HUWE1: variants seen among roughly 807,000 people sequenced by gnomAD.
HUWE1 encodes the protein E3 ubiquitin-protein ligase HUWE1.
In HUWE1, 18 loss-of-function variants were observed where a neutral mutation model predicts 299.4. That is an observed-to-expected ratio of 0.06 (90% CI 0.04 to 0.09). The LOEUF (loss-of-function observed/expected upper bound fraction) is 0.09. HUWE1 is among the 10% of genes least tolerant of loss of function. The pLI is 1.00. For synonymous variants in HUWE1, 1,317 were observed against 1,286.1 expected (o/e 1.02, Z -0.51); for missense variants, 1,832 against 3,462.3 (o/e 0.53, Z 11.82).
intron 23 of HUWE1, among the ~76,000 whole-genome samples, chrX:53,611,134 T>C (rs1326130104): frequency 9.8e-6 from 1 of 102,105 alleles, no homozygotes; most frequent in Non-Finnish European, 2.0e-5. Context: ...CACAAAACCA[T>C]GTATTTCAAG....
chrX:53,599,991 C>T, intron 29 of HUWE1, 127 bp downstream of exon 29: 1 of 595,083 alleles, frequency 1.7e-6, no homozygotes, highest in East Asian at 3.4e-5. Context: ...CAACAAAGGA[C>T]ACTTAAAAAT....
intron 3 of HUWE1, among the ~76,000 whole-genome samples, chrX:53,667,442 C>A (rs2069302825): frequency 8.9e-6 from 1 of 112,026 alleles, no homozygotes; most frequent in South Asian, 3.7e-4. Flanking sequence ...CTTAAACATG[C>A]TTGCAATATT....
In HUWE1 at chrX:53,585,007, T is replaced by A. The variant is rs1556971930; in HGVS notation, c.5001+5A>T. The stretch of plus-strand genomic sequence containing the variant: ...GTTAGACAAGCTTGGTGAGTGAGCA[T>A]GTACCTGCACCATTGTAGTGAATTG... On this transcript the variant is annotated splice_donor_5th_base_variant and intron_variant, in intron 40 of 83. Coordinates refer to ENST00000262854, the MANE Select transcript of HUWE1 (RefSeq NM_031407.7). 3.3e-6 allele frequency: 4 copies of A among 1,211,851 alleles called. No individual in the cohort carries two copies. The highest frequency in any genetic ancestry group is 4.5e-6 in the Non-Finnish European group (4 of 895,412).
intron 52 of HUWE1, 45 bp downstream of exon 52, chrX:53,563,701 G>C (rs1556943205): frequency 1.7e-6 from 2 of 1,186,220 alleles, no homozygotes; most frequent in Non-Finnish European, 2.3e-6. Context: ...TCCCAAGAGA[G>C]ACTGAGGCAA....
intron 60 of HUWE1, among the ~76,000 whole-genome samples, chrX:53,555,321 T>C (rs2061951858): frequency 8.9e-6 from 1 of 111,848 alleles, no homozygotes; most frequent in Admixed American, 9.5e-5. Context: ...CAGAATTTCG[T>C]TCAAAACTCT....
chrX:53,602,688 A>AATATAT, intron 27 of HUWE1, 30 bp from the exon 28 acceptor site: 1 of 674,858 alleles, frequency 1.5e-6, no homozygotes. Context: ...GAGCAAAAGA[A>AATATAT]ATATATATAT....
intron 17 of HUWE1, chrX:53,625,891 TGCCGGG>T (rs782400383): frequency 1.2e-5 from 4 of 323,244 alleles, no homozygotes; most frequent in Admixed American, 3.1e-5. Context: ...CCAGGGCCGG[TGCCGGG>T]GCCGGGACTG....
chrX:53,544,094 G>A, intron 72 of HUWE1, 126 bp from the exon 73 acceptor site: 5 of 601,713 alleles, frequency 8.3e-6, no homozygotes, highest in African/African-American at 2.2e-5. Flanking sequence ...TTTAGCTCAG[G>A]AAGCTTCAGA....
At chrX:53,628,000 CAT>C (rs1420065763) in intron 15 of HUWE1, 121 bp from the exon 16 acceptor site, 9 of 622,715 alleles carry the variant, frequency 1.4e-5, no homozygotes, top group Admixed American at 5.7e-5. Context: ...TGGGGGAAAA[CAT>C]GTGTTTTATT....
intron 23 of HUWE1, among the ~76,000 whole-genome samples, chrX:53,613,737 T>C (rs1162477331): frequency 9.0e-6 from 1 of 111,180 alleles, no homozygotes; most frequent in Non-Finnish European, 1.9e-5. Flanking sequence ...GAACAGATAG[T>C]AACAAAATGA....
rs782289475 is a variant in HUWE1, at chrX:53,535,146, G to A, written c.12649+238C>T. Reference sequence around the variant, plus strand: ...GACGGGGTTTCACCATGTTGGCCAGGCTGGTCTCAAACTCCTCACCTCAAC... The same window carrying A: ...GACGGGGTTTCACCATGTTGGCCAGACTGGTCTCAAACTCCTCACCTCAAC... On this transcript the variant is annotated intron_variant, in intron 81 of 83. Coordinates refer to ENST00000262854, the MANE Select transcript of HUWE1 (RefSeq NM_031407.7). Among the ~76,000 whole-genome samples the A allele has an allele frequency of 9.0e-4, 100 of 111,091 alleles. 1 individual carries two copies. Among genetic ancestry groups the A allele is most frequent in the Non-Finnish European group, 1.2e-3 (65 of 52,934 alleles).
chrX:53,585,236 T>C, intron 39 of HUWE1, 48 bp from the exon 40 acceptor site: 2 of 1,135,374 alleles, frequency 1.8e-6, no homozygotes, highest in South Asian at 1.8e-5. Flanking sequence ...CAAGGTTGAT[T>C]AGAAGAAATA....
At chrX:53,606,998 A>C (rs1305966901) in intron 25 of HUWE1, among the ~76,000 whole-genome samples, 1 of 111,620 alleles carries the variant, frequency 9.0e-6, no homozygotes, top group Non-Finnish European at 1.9e-5. Flanking sequence ...AAAAATAAAG[A>C]AGCTTCATTT....
chrX:53,661,787 A>G (rs1198728220), intron 3 of HUWE1, among the ~76,000 whole-genome samples: 2 of 111,723 alleles, frequency 1.8e-5, no homozygotes, highest in African/African-American at 6.5e-5. Flanking sequence ...CATTACTTCA[A>G]TACTTTTATC....
At chrX:53,563,053 C>A in intron 52 of HUWE1, 124 bp from the exon 53 acceptor site, 2 of 543,283 alleles carry the variant, frequency 3.7e-6, no homozygotes, top group Non-Finnish European at 6.3e-6. Flanking sequence ...GGGAGAAGAC[C>A]TGGATTGTCT....
rs2060843874 is a variant in HUWE1, at chrX:53,533,160, G to C, written c.*149C>G. On this transcript the variant is annotated 3_prime_UTR_variant, in exon 84 of 84. Coordinates refer to ENST00000262854, the MANE Select transcript of HUWE1 (RefSeq NM_031407.7). ...TGAGAAGAGGAACAGGTATGCGCTG[G>C]GGAAGATGGGGCAGCTGGGACACAC... The C allele has an allele frequency of 2.1e-6, 1 of 481,379 alleles. No homozygotes were observed. 39.7% of individuals were successfully genotyped at this position (481,379 alleles called of 1,213,427 possible).
intron 43 of HUWE1, among the ~76,000 whole-genome samples, chrX:53,578,286 C>T (rs1217299541): frequency 5.6e-5 from 6 of 108,053 alleles, no homozygotes; most frequent in East Asian, 3.1e-4. Flanking sequence ...CCCCTCCGTC[C>T]GGCAGCCACC....
chrX:53,546,205 C>T (rs782602437), intron 70 of HUWE1, among the ~76,000 whole-genome samples: 1 of 110,883 alleles, frequency 9.0e-6, no homozygotes, highest in East Asian at 2.8e-4. Context: ...CACTGTGTGC[C>T]GGGCAGCGGG....
chrX:53,644,978 G>A (rs1375667394), intron 7 of HUWE1, among the ~76,000 whole-genome samples: 1 of 112,055 alleles, frequency 8.9e-6, no homozygotes, highest in Non-Finnish European at 1.9e-5. Flanking sequence ...CTAGTAAGCA[G>A]GGCCAGGACT....
Sources: allele counts gnomAD v4.1 joint callset (sites outside exome capture counted in the v4.1 genomes callset), GRCh38; gene constraint gnomAD v4.1.1; transcripts MANE v1.5; gene names NCBI Gene and HGNC (gene_info 2026-07-23, HGNC 2026-07-21).